The following SOS2 variants were observed in gnomAD, a reference collection of about 807,000 sequenced individuals.
SOS2 encodes the protein SOS Ras/Rho guanine nucleotide exchange factor 2, also known as son of sevenless homolog 2.
In SOS2, 65 loss-of-function variants were observed where a neutral mutation model predicts 148.2. The observed-to-expected ratio is 0.44, with a 90% CI of 0.36 to 0.54. The LOEUF (loss-of-function observed/expected upper bound fraction) is 0.54. Ranked by LOEUF, SOS2 falls within the 20% of genes least tolerant of loss-of-function variation. The pLI, the probability that SOS2 is intolerant of heterozygous loss-of-function variation, is 0.00. For synonymous variants in SOS2, 539 were observed against 537.1 expected, an observed-to-expected ratio of 1.00 and a Z score of -0.05; for missense variants, 1,341 against 1,590.2, an observed-to-expected ratio of 0.84 and a Z score of 2.67.
At position 50,118,162 on chromosome 14, in the gene SOS2, G is replaced by A. The variant is rs1403288754; in HGVS notation, c.*182C>T. 3.3e-6 allele frequency: 2 copies of A among 601,704 alleles called. No homozygotes were observed. The highest frequency in any genetic ancestry group is 1.9e-5 in the African/African-American group (1 of 53,838). 37.3% of individuals were successfully genotyped at this position (601,704 alleles called of 1,614,324 possible). On this transcript the variant is annotated 3_prime_UTR_variant, in exon 23 of 23. Transcript: ENST00000216373. Reference sequence around the variant, plus strand: ...AAGGCAATGCTACTGATCACCTGAGGATAATGGTGAAGGACTTTTGTATTT... The same window carrying A: ...AAGGCAATGCTACTGATCACCTGAGAATAATGGTGAAGGACTTTTGTATTT...
At chr14:50,170,902 C>A in intron 8 of SOS2, among the ~76,000 whole-genome samples, 1 of 150,470 alleles carries the variant, frequency 6.6e-6, no homozygotes, top group Non-Finnish European at 1.5e-5. Context: ...CGCTTGAGGT[C>A]AGGAATTCGA....
rs527981489 is a variant in SOS2 at position 50,179,910 on chromosome 14, G to C, written c.969+662C>G. 2.6e-3 allele frequency among the ~76,000 whole-genome samples: 394 copies of C among 152,106 alleles called. 1 individual carries two copies. The highest frequency in any genetic ancestry group is 8.9e-3 in the African/African-American group (371 of 41,488). On this transcript the variant is annotated intron_variant, in intron 7 of 22. Coordinates refer to ENST00000216373, the MANE Select transcript of SOS2 (RefSeq NM_006939.4). ...TCAGTATGAGTACATAGGAGGTTGA[G>C]GTTATCTCAACTTTTTAAGATTTCT...
chr14:50,170,244 A>C (rs188935455), intron 8 of SOS2, among the ~76,000 whole-genome samples: 1 of 152,120 alleles, frequency 6.6e-6, no homozygotes, highest in Admixed American at 6.6e-5. Flanking sequence ...TCTAAGATAA[A>C]TTTTAGATAA....
intron 5 of SOS2, among the ~76,000 whole-genome samples, chr14:50,183,090 A>T (rs1347163670): frequency 6.6e-6 from 1 of 152,216 alleles, no homozygotes. Context: ...GGGAAAACTC[A>T]TTCTTTGTAA....
intron 1 of SOS2, among the ~76,000 whole-genome samples, chr14:50,220,630 T>C (rs186150920): frequency 2.0e-5 from 3 of 152,168 alleles, no homozygotes; most frequent in Admixed American, 6.6e-5. Flanking sequence ...CTCTTACGTT[T>C]CTCTATTCCT....
chr14:50,228,829 G>A (rs1887457437), intron 1 of SOS2, among the ~76,000 whole-genome samples: 1 of 152,118 alleles, frequency 6.6e-6, no homozygotes, highest in African/African-American at 2.4e-5. Flanking sequence ...GTACTCTTAG[G>A]ATCCCGCATC....
rs1004747614 is a variant in SOS2, at chr14:50,159,325, T to C, written c.1852+106A>G. ...TTTGTTTTTGCAGTATTTTTATATT[T>C]TGGAGGCAATCCATTTTTTCCCCAA... On this transcript the variant is annotated intron_variant, in intron 10 of 22. Coordinates refer to ENST00000216373, the MANE Select transcript of SOS2 (RefSeq NM_006939.4). The C allele has an allele frequency of 1.6e-5, 10 of 639,262 alleles. No homozygotes were observed. In the African/African-American group the frequency reaches 1.8e-4, roughly 12 times the overall value. 39.6% of individuals were successfully genotyped at this position (639,262 alleles called of 1,614,324 possible).
intron 1 of SOS2, among the ~76,000 whole-genome samples, chr14:50,207,166 T>A (rs1357501201): frequency 1.3e-5 from 2 of 152,168 alleles, no homozygotes; most frequent in Non-Finnish European, 2.9e-5. Context: ...TACTCTCCAA[T>A]TTATTTTGGG....
chr14:50,155,628 C>G (rs1305552036), intron 12 of SOS2, among the ~76,000 whole-genome samples: 1 of 152,192 alleles, frequency 6.6e-6, no homozygotes, highest in Non-Finnish European at 1.5e-5. Flanking sequence ...CAATATATAA[C>G]TGTTTCATGT....
chr14:50,214,834 C>G (rs1449017042), intron 1 of SOS2, among the ~76,000 whole-genome samples: 1 of 146,694 alleles, frequency 6.8e-6, no homozygotes, highest in African/African-American at 2.5e-5. Flanking sequence ...TTGTTTCTTT[C>G]TTTCTTTTTT....
At position 50,188,575 on chromosome 14, in the gene SOS2, C is replaced by T. The variant is rs1339562432; in HGVS notation, c.636G>A (p.Gln212=). 2 of 1,607,562 alleles carry T rather than the reference C, an allele frequency of 1.2e-6. No individual in the cohort carries two copies. The highest frequency in any genetic ancestry group is 8.5e-7 in the Non-Finnish European group (1 of 1,177,862). The part of the protein sequence containing the change: ...LVRTEIAEER[Q]YLRELNMIIK... ...TGATCATATTTAATTCCCGTAGATACTGTCTTTCTTCTGCGATTTCAGTTC... is the reference window on the plus strand; with the variant it reads ...TGATCATATTTAATTCCCGTAGATATTGTCTTTCTTCTGCGATTTCAGTTC... The change falls in exon 5 of 23, where the codon CAG becomes CAA. Residue 212 remains glutamine, a synonymous_variant. Coordinates refer to ENST00000216373, the MANE Select transcript of SOS2 (RefSeq NM_006939.4).
At chr14:50,226,107 G>A (rs1320076254) in intron 1 of SOS2, among the ~76,000 whole-genome samples, 1 of 150,056 alleles carries the variant, frequency 6.7e-6, no homozygotes, top group East Asian at 2.0e-4. Flanking sequence ...TAGAACACAA[G>A]CTTTATAACA....
intron 8 of SOS2, among the ~76,000 whole-genome samples, chr14:50,162,007 C>A (rs1016808142): frequency 2.0e-5 from 3 of 151,856 alleles, no homozygotes; most frequent in Non-Finnish European, 4.4e-5. Context: ...CCTCTGCCTC[C>A]CAAAGTGCTG....
At chr14:50,135,219 G>A (rs1296800521) in intron 18 of SOS2, among the ~76,000 whole-genome samples, 2 of 151,960 alleles carry the variant, frequency 1.3e-5, no homozygotes, top group Admixed American at 6.6e-5. Context: ...CTAGCAGTTT[G>A]GGAGGCTGAG....
Position 50,155,364 on chromosome 14 carries a change from G to A in SOS2, c.2057+1635C>T, listed in dbSNP as rs117386863. ...AATACAATGCCTACATTCCTCTCAG[G>A]TCAATGTCCTTATCTGTGTCCTCAG... On this transcript the variant is annotated intron_variant, in intron 12 of 22. Coordinates refer to ENST00000216373, the MANE Select transcript of SOS2 (RefSeq NM_006939.4). Among the ~76,000 whole-genome samples the A allele has an allele frequency of 2.6e-3, 391 of 152,034 alleles. 1 individual carries two copies. The highest frequency in any genetic ancestry group is 4.5e-3 in the Non-Finnish European group (303 of 67,952).
At position 50,189,331 on chromosome 14, in the gene SOS2, C is replaced by CAAAAA. The variant is rs761860061; in HGVS notation, c.511-636_511-632dup. ...ACACACACACACACACACATAATAG[C>CAAAAA]AAAAAAAAAAAAAAAAAGCAAGCCT... On this transcript the variant is annotated intron_variant, in intron 4 of 22. Transcript: ENST00000216373. Among the ~76,000 whole-genome samples the CAAAAA allele has an allele frequency of 1.9e-4, 6 of 31,472 alleles. 1 individual carries two copies. The highest frequency in any genetic ancestry group is 4.0e-4 in the Non-Finnish European group (6 of 15,182). The allele number at this position is 31,472 out of a possible 152,430, so 20.6% of individuals were successfully genotyped here. A position where few individuals can be genotyped will look rare whatever the true frequency, so the allele number is the denominator to read the frequency against.
rs1049004811 is a variant in SOS2, at chr14:50,138,789, T to G, written c.2786-5A>C. On this transcript the variant is annotated splice_polypyrimidine_tract_variant and splice_region_variant and intron_variant, in intron 17 of 22. Coordinates refer to ENST00000216373, the MANE Select transcript of SOS2 (RefSeq NM_006939.4). ...GAATATTTGTTAAATATATTCCTAG[T>G]AAAAAAAAAAAAAGAATTTAAAGAA... is the stretch of plus-strand genomic sequence containing the variant. 2 of 622,388 alleles carry G rather than the reference T, an allele frequency of 3.2e-6. No individual in the cohort carries two copies. Among genetic ancestry groups the G allele is most frequent in the Non-Finnish European group, 2.5e-6 (1 of 403,560 alleles). The allele number at this position is 622,388 out of a possible 1,614,324, so 38.6% of individuals were successfully genotyped here.
At chr14:50,132,647 C>T (rs1287183544) in intron 19 of SOS2, among the ~76,000 whole-genome samples, 6 of 151,828 alleles carry the variant, frequency 4.0e-5, no homozygotes, top group East Asian at 1.9e-4. Flanking sequence ...GGTGACAGAG[C>T]GAGACTCTGT....
chr14:50,153,329 A>G (rs985436911), intron 12 of SOS2, among the ~76,000 whole-genome samples, 156 bp from the exon 13 acceptor site: 6 of 152,214 alleles, frequency 3.9e-5, no homozygotes, highest in Admixed American at 2.0e-4. Flanking sequence ...AAATGCTTCA[A>G]TGACAAGAGG....
Sources: allele counts gnomAD v4.1 joint callset (sites outside exome capture counted in the v4.1 genomes callset), GRCh38; gene constraint gnomAD v4.1.1; transcripts MANE v1.5; gene names NCBI Gene and HGNC (gene_info 2026-07-23, HGNC 2026-07-21).